The following ASCC3 variants were observed in gnomAD, a reference collection of about 807,000 sequenced individuals.
ASCC3 encodes ASC-1 complex subunit P200.
Under a neutral mutation model 256.3 loss-of-function variants are expected in ASCC3, and 158 were observed. The observed-to-expected ratio is 0.62, with a 90% CI of 0.54 to 0.70. ASCC3 has a LOEUF of 0.70. Ranked by LOEUF, ASCC3 falls within the 30% of genes least tolerant of loss-of-function variation. The pLI is 0.00. For synonymous variants in ASCC3, 948 were observed against 883.4 expected (o/e 1.07, Z -1.30); for missense variants, 2,259 against 2,626.0 (o/e 0.86, Z 3.05).
At chr6:100,573,832 A>C (rs1463147725) in intron 36 of ASCC3, among the ~76,000 whole-genome samples, 2 of 152,166 alleles carry the variant, frequency 1.3e-5, no homozygotes, top group African/African-American at 4.8e-5. Context: ...AATATGACTT[A>C]ACTTATATAA....
intron 2 of ASCC3, among the ~76,000 whole-genome samples, 192 bp downstream of exon 2, chr6:100,867,716 A>G (rs961825513): frequency 1.3e-5 from 2 of 152,168 alleles, no homozygotes; most frequent in Non-Finnish European, 2.9e-5. Context: ...CCCCTTGACA[A>G]TATGGTTTTA....
intron 37 of ASCC3, among the ~76,000 whole-genome samples, chr6:100,534,762 T>C (rs1775082152): frequency 1.3e-5 from 2 of 152,108 alleles, no homozygotes; most frequent in South Asian, 4.1e-4. Context: ...TGAAATGGGA[T>C]AGGAGAAGCA....
chr6:100,614,960 T>A (rs766776611), intron 30 of ASCC3, among the ~76,000 whole-genome samples: 2 of 152,136 alleles, frequency 1.3e-5, no homozygotes, highest in Non-Finnish European at 2.9e-5. Flanking sequence ...ATGGCACAGC[T>A]CCTGTTGTTT....
At chr6:100,550,248 A>C (rs937815338) in intron 36 of ASCC3, among the ~76,000 whole-genome samples, 1 of 151,830 alleles carries the variant, frequency 6.6e-6, no homozygotes, top group Non-Finnish European at 1.5e-5. Flanking sequence ...TCAGAAGAAA[A>C]TTCAATAGCT....
At chr6:100,545,456 G>T (rs1327927349) in intron 36 of ASCC3, among the ~76,000 whole-genome samples, 1 of 152,194 alleles carries the variant, frequency 6.6e-6, no homozygotes, top group African/African-American at 2.4e-5. Flanking sequence ...GATTACAGGC[G>T]TGAGCCACAG....
chr6:100,529,185 C>T (rs73500928), intron 37 of ASCC3, among the ~76,000 whole-genome samples: 31 of 151,890 alleles, frequency 2.0e-4, no homozygotes, highest in African/African-American at 5.3e-4. Context: ...AGTAAACCTA[C>T]GCAGAAATTA....
chr6:100,525,156 C>CAAAAAAAAAAAAAAAAA (rs57882047), intron 37 of ASCC3, among the ~76,000 whole-genome samples: 12 of 44,950 alleles, frequency 2.7e-4, no homozygotes, highest in African/African-American at 3.5e-4. Flanking sequence ...GACCCTGTCT[C>CAAAAAAAAAAAAAAAAA]AAAAAAAAAA....
intron 36 of ASCC3, among the ~76,000 whole-genome samples, chr6:100,571,115 G>T (rs1582468444): frequency 3.3e-5 from 5 of 152,238 alleles, no homozygotes; most frequent in Admixed American, 3.3e-4. Flanking sequence ...GGCCCTAGAT[G>T]ATGTCACCTC....
intron 39 of ASCC3, among the ~76,000 whole-genome samples, chr6:100,514,718 A>G (rs188385236): frequency 4.6e-5 from 7 of 152,246 alleles, no homozygotes; most frequent in African/African-American, 1.7e-4. Flanking sequence ...ATCTTCATCT[A>G]TTGAATCAGG....
rs202020905 is a variant in ASCC3, at chr6:100,642,552, A to G, written c.3901+29T>C. The stretch of plus-strand genomic sequence containing the variant: ...TAAAACAACCATTTTGGAAAAATCA[A>G]TGATTCAAATCAGCATTCACCATGT... On this transcript the variant is annotated intron_variant, in intron 24 of 41. Coordinates refer to ENST00000369162, the MANE Select transcript of ASCC3 (RefSeq NM_006828.4). 4.9e-5 allele frequency: 79 copies of G among 1,611,316 alleles called. No individual in the cohort carries two copies. In the Middle Eastern group the frequency reaches 6.6e-4, roughly 13 times the overall value.
chr6:100,521,354 G>A (rs1774298520), intron 37 of ASCC3, among the ~76,000 whole-genome samples: 1 of 152,086 alleles, frequency 6.6e-6, no homozygotes, highest in African/African-American at 2.4e-5. Context: ...GAAATCATAC[G>A]CTGAGGTTGC....
At chr6:100,805,927 T>C (rs1770158385) in intron 4 of ASCC3, 47 bp from the exon 5 acceptor site, 3 of 1,587,214 alleles carry the variant, frequency 1.9e-6, no homozygotes, top group African/African-American at 2.7e-5. Flanking sequence ...TCTCAAAGTT[T>C]AACTTTTTCA....
At chr6:100,696,855 G>A (rs1778108593) in intron 13 of ASCC3, among the ~76,000 whole-genome samples, 1 of 151,812 alleles carries the variant, frequency 6.6e-6, no homozygotes. Context: ...AGGTTCAAAG[G>A]TCCTTTTATA....
intron 3 of ASCC3, among the ~76,000 whole-genome samples, chr6:100,861,014 G>C (rs965660310): frequency 1.3e-5 from 2 of 152,028 alleles, no homozygotes; most frequent in Non-Finnish European, 2.9e-5. Context: ...GGATGAGAAA[G>C]GAAGGCTAAA....
chr6:100,718,714 G>A (rs886400900), intron 11 of ASCC3, among the ~76,000 whole-genome samples: 6 of 151,772 alleles, frequency 4.0e-5, no homozygotes, highest in Non-Finnish European at 5.9e-5. Flanking sequence ...CTCCAACATC[G>A]GTGACAGAGT....
intron 4 of ASCC3, among the ~76,000 whole-genome samples, chr6:100,840,287 T>A (rs774152483): frequency 7.9e-5 from 12 of 152,110 alleles, no homozygotes; most frequent in Non-Finnish European, 1.5e-4. Flanking sequence ...AGGAGTACAT[T>A]CAAAAAGTTT....
At chr6:100,833,645 G>A (rs1771729437) in intron 4 of ASCC3, among the ~76,000 whole-genome samples, 1 of 151,942 alleles carries the variant, frequency 6.6e-6, no homozygotes, top group African/African-American at 2.4e-5. Context: ...TACAAAATAT[G>A]GTATAAAATT....
chr6:100,843,535 G>C (rs189232618), intron 4 of ASCC3, among the ~76,000 whole-genome samples: 5 of 152,170 alleles, frequency 3.3e-5, no homozygotes, highest in African/African-American at 1.2e-4. Context: ...TAATAGCTTT[G>C]CAAATAGCAT....
At chr6:100,825,815 T>TCC (rs1251449265) in intron 4 of ASCC3, among the ~76,000 whole-genome samples, 1 of 152,048 alleles carries the variant, frequency 6.6e-6, no homozygotes, top group African/African-American at 2.4e-5. Context: ...TTATTCTTTT[T>TCC]TCTCTAATCT....
Sources: gnomAD v4.1 joint callset for allele counts (sites outside exome capture counted in the v4.1 genomes callset) on GRCh38, gnomAD v4.1.1 for gene constraint, MANE v1.5 for transcripts, NCBI Gene and HGNC (gene_info 2026-07-23, HGNC 2026-07-21) for gene names.